The following DNAH14 variants were observed in gnomAD, a reference collection of about 807,000 sequenced individuals.
DNAH14 encodes the protein dynein axonemal heavy chain 14, also known as axonemal beta dynein heavy chain 14.
Under a neutral mutation model 520.9 loss-of-function variants are expected in DNAH14, and 478 were observed. That is an observed-to-expected ratio of 0.92 (90% CI 0.85 to 0.99). The LOEUF (loss-of-function observed/expected upper bound fraction) is 0.99. DNAH14 is among the 50% of genes least tolerant of loss of function. DNAH14 has a pLI of 0.00. For synonymous variants in DNAH14, 1,581 were observed against 1,757.2 expected (o/e 0.90, Z 2.51); for missense variants, 4,831 against 5,234.5 (o/e 0.92, Z 2.38).
rs1190560421 is a variant in DNAH14, at chr1:225,324,329, G to A, written c.9603G>A (p.Leu3201=). The change falls in exon 63 of 86, where the codon TTG becomes TTA. Residue 3201 remains leucine, a synonymous_variant. Coordinates refer to ENST00000682510, the MANE Select transcript of DNAH14 (RefSeq NM_001367479.1). ...CCSLCQWVIA[L]NNYHEVQKVV... ...CCCTGTGCCAGTGGGTTATAGCTTT[G>A]AATAACTACCATGAAGTACAGAAGG... 1 of 1,551,836 alleles carries A rather than the reference G, an allele frequency of 6.4e-7. No individual in the cohort carries two copies. Among genetic ancestry groups the A allele is most frequent in the Admixed American group, 2.0e-5 (1 of 51,002 alleles).
intron 31 of DNAH14, among the ~76,000 whole-genome samples, chr1:225,150,959 G>A (rs186900551): frequency 1.5e-4 from 23 of 152,080 alleles, no homozygotes; most frequent in South Asian, 8.3e-4. Context: ...TGATCTGCCC[G>A]CCTCAGCCTC....
chr1:225,005,809 A>C (rs918311904), intron 9 of DNAH14, among the ~76,000 whole-genome samples: 2 of 152,180 alleles, frequency 1.3e-5, no homozygotes, highest in African/African-American at 4.8e-5. Context: ...AGAATGATGT[A>C]ATATACACGC....
chr1:225,395,322 G>A (rs968190419), intron 84 of DNAH14, among the ~76,000 whole-genome samples: 2 of 152,064 alleles, frequency 1.3e-5, no homozygotes, highest in Non-Finnish European at 2.9e-5. Context: ...GGCCGGGCGC[G>A]GTGTCTCACA....
chr1:225,178,163 T>G (rs2083534726), intron 36 of DNAH14, among the ~76,000 whole-genome samples: 1 of 152,208 alleles, frequency 6.6e-6, no homozygotes, highest in South Asian at 2.1e-4. Flanking sequence ...ACATGAGGCC[T>G]GTAGCTCCTT....
At position 225,259,178 on chromosome 1, in the gene DNAH14, G is replaced by T. The variant is rs1296525691; in HGVS notation, c.7082G>T (p.Gly2361Val). ...AINQMLEKLE[G>V]PGAFDIKHGS... ...AATCAAATGCTTGAAAAGCTAGAGG[G>T]TCCAGGAGCATTTGACATAAAACAT... is the stretch of plus-strand genomic sequence containing the variant. The change falls in exon 46 of 86, where the codon GGT (glycine) becomes GTT (valine). Residue 2361 changes from glycine to valine, a missense_variant. Transcript: ENST00000682510. The T allele has an allele frequency of 1.9e-6, 3 of 1,546,236 alleles. No homozygotes were observed.
At chr1:225,007,877 A>G (rs2064307434) in intron 10 of DNAH14, among the ~76,000 whole-genome samples, 1 of 151,900 alleles carries the variant, frequency 6.6e-6, no homozygotes, top group Non-Finnish European at 1.5e-5. Flanking sequence ...TGATAAAACA[A>G]GAGATTTCTG....
At position 225,159,288 on chromosome 1, in the gene DNAH14, GTGTT is replaced by G. The variant is rs1474093629; in HGVS notation, c.5274-20_5274-17del. 3.9e-6 allele frequency: 6 copies of G among 1,540,642 alleles called. No homozygotes were observed. The Admixed American group carries it at 1.0e-4, about 26-fold the overall frequency. ...GAGCAGACTCCCTAATTTGTTCTCT[GTGTT>G]TGTTTTCTTCTACCATTGAAGTGAT... On this transcript the variant is annotated intron_variant, in intron 34 of 85. Coordinates refer to ENST00000682510, the MANE Select transcript of DNAH14 (RefSeq NM_001367479.1).
chr1:225,362,313 AC>A (rs200999472), intron 75 of DNAH14, among the ~76,000 whole-genome samples: 1,942 of 152,216 alleles, frequency 0.013, 43 homozygotes, highest in African/African-American at 0.044. Flanking sequence ...GGTGGCTCAC[AC>A]CTGTAATCCC....
chr1:225,355,415 C>T (rs2095418898), intron 73 of DNAH14, among the ~76,000 whole-genome samples: 1 of 152,112 alleles, frequency 6.6e-6, no homozygotes, highest in Admixed American at 6.6e-5. Flanking sequence ...ATCACCATGA[C>T]AGGCTAATTT....
intron 35 of DNAH14, among the ~76,000 whole-genome samples, chr1:225,167,421 C>T (rs1279090219): frequency 6.6e-6 from 1 of 152,200 alleles, no homozygotes. Context: ...AGTATCTTTC[C>T]AAGCTGCAGC....
chr1:225,234,025 C>T (rs967328735), intron 42 of DNAH14, among the ~76,000 whole-genome samples: 3 of 152,150 alleles, frequency 2.0e-5, no homozygotes, highest in Non-Finnish European at 4.4e-5. Context: ...ATTCTCCCAG[C>T]ACCATTTATT....
Position 225,117,792 on chromosome 1 carries a change from A to T in DNAH14, c.3972+4A>T, listed in dbSNP as rs1422486120. The T allele has an allele frequency of 6.5e-7, 1 of 1,543,322 alleles. No individual in the cohort carries two copies. The highest frequency in any genetic ancestry group is 1.2e-5 in the South Asian group (1 of 83,612). The stretch of plus-strand genomic sequence containing the variant: ...CAGAAATCCTGAGTCTGTACAGGTA[A>T]TAACATCTTTCTCTGCTCAGCAATA... On this transcript the variant is annotated splice_donor_region_variant and intron_variant, in intron 24 of 85. Transcript: ENST00000682510.
chr1:225,365,528 C>T (rs1476803521), intron 76 of DNAH14, among the ~76,000 whole-genome samples: 2 of 152,196 alleles, frequency 1.3e-5, no homozygotes, highest in Non-Finnish European at 2.9e-5. Context: ...TTTCCAGATA[C>T]AGCCCCAATC....
In DNAH14 at chr1:225,152,703, A is replaced by G. The variant is rs2080619105; in HGVS notation, c.5016A>G (p.Gly1672=). ...AVFITMNPRY[G]GGVELPDNLK... ...TTTTTCTTTTCCTCTTCAGATACGG[A>G]GGTGGAGTAGAGCTCCCAGATAACT... is the stretch of plus-strand genomic sequence containing the variant. The change falls in exon 33 of 86, where the codon GGA becomes GGG. Residue 1672 remains glycine (G), a synonymous_variant. Coordinates refer to ENST00000682510, the MANE Select transcript of DNAH14 (RefSeq NM_001367479.1). 1 of 1,540,122 alleles carries G rather than the reference A, an allele frequency of 6.5e-7. No homozygotes were observed. Among genetic ancestry groups the G allele is most frequent in the Non-Finnish European group, 8.8e-7 (1 of 1,142,424 alleles).
chr1:225,181,391 G>C (rs971772291), intron 36 of DNAH14, among the ~76,000 whole-genome samples: 1 of 152,130 alleles, frequency 6.6e-6, no homozygotes, highest in Admixed American at 6.6e-5. Context: ...TTAGTTCTTT[G>C]AGACATCTCC....
At chr1:225,286,617 A>G (rs1208382864) in intron 54 of DNAH14, among the ~76,000 whole-genome samples, 1 of 152,190 alleles carries the variant, frequency 6.6e-6, no homozygotes, top group Admixed American at 6.6e-5. Flanking sequence ...ACTCTCATTC[A>G]TAGCTGGTGG....
At position 225,335,244 on chromosome 1, in the gene DNAH14, TTG is replaced by T. The variant is rs765516286; in HGVS notation, c.10080+1744_10080+1745del. On this transcript the variant is annotated intron_variant, in intron 66 of 85. Coordinates refer to ENST00000682510, the MANE Select transcript of DNAH14 (RefSeq NM_001367479.1). ...ATATGCACATATACACATGTGTACA[TTG>T]TGTGTATATGCACATATACACGTGT... Among the ~76,000 whole-genome samples the T allele has an allele frequency of 5.9e-5, 7 of 118,798 alleles. 1 individual carries two copies. Among genetic ancestry groups the T allele is most frequent in the Non-Finnish European group, 1.1e-4 (6 of 53,294 alleles). The allele number at this position is 118,798 out of a possible 152,430, so 77.9% of individuals were successfully genotyped here.
chr1:224,956,163 C>T (rs993501069), intron 3 of DNAH14, among the ~76,000 whole-genome samples: 3 of 152,008 alleles, frequency 2.0e-5, no homozygotes, highest in African/African-American at 7.2e-5. Context: ...TGCTCATTTT[C>T]AGTCTCTTTT....
At chr1:225,081,716 T>A (rs1394568938) in intron 19 of DNAH14, among the ~76,000 whole-genome samples, 1 of 152,186 alleles carries the variant, frequency 6.6e-6, no homozygotes, top group African/African-American at 2.4e-5. Context: ...AAGTTTTCAG[T>A]TCTCTTGAGT....
Sources: allele counts gnomAD v4.1 joint callset (sites outside exome capture counted in the v4.1 genomes callset), GRCh38; gene constraint gnomAD v4.1.1; transcripts MANE v1.5; gene names NCBI Gene and HGNC (gene_info 2026-07-23, HGNC 2026-07-21).